TXNDC16: variants seen among roughly 807,000 people sequenced by gnomAD.
TXNDC16 encodes thioredoxin domain-containing protein 16.
In TXNDC16, 74 loss-of-function variants were observed where a neutral mutation model predicts 85.6. That is an observed-to-expected ratio of 0.86 (90% confidence interval 0.72 to 1.05). The LOEUF (loss-of-function observed/expected upper bound fraction) is 1.05. TXNDC16 is among the 50% of genes least tolerant of loss of function. The pLI, the probability that TXNDC16 is intolerant of heterozygous loss-of-function variation, is 0.00. For synonymous variants in TXNDC16, 335 were observed against 326.5 expected (o/e 1.03, Z -0.28); for missense variants, 959 against 947.0 (o/e 1.01, Z -0.17).
chr14:52,505,279 C>A (rs142815184), intron 9 of TXNDC16, among the ~76,000 whole-genome samples: 10 of 152,298 alleles, frequency 6.6e-5, no homozygotes, highest in African/African-American at 2.4e-4. Flanking sequence ...TTCTTTTCAG[C>A]ACCACACCAC....
At chr14:52,503,450 C>A (rs1002997872) in intron 9 of TXNDC16, among the ~76,000 whole-genome samples, 5 of 152,212 alleles carry the variant, frequency 3.3e-5, no homozygotes, top group African/African-American at 1.2e-4. Flanking sequence ...GCTGCTGATA[C>A]CCAGGCAAAC....
At chr14:52,535,470 A>G (rs2037678437) in intron 6 of TXNDC16, among the ~76,000 whole-genome samples, 1 of 152,118 alleles carries the variant, frequency 6.6e-6, no homozygotes, top group Non-Finnish European at 1.5e-5. Flanking sequence ...AATTTCCAGG[A>G]GTTAAACTAC....
rs1594672938 is a variant in TXNDC16 at position 52,432,372 on chromosome 14, T to G, written c.2410A>C (p.Asn804His). 1.9e-6 allele frequency: 3 copies of G among 1,613,904 alleles called. No individual in the cohort carries two copies. Among genetic ancestry groups the G allele is most frequent in the Non-Finnish European group, 2.5e-6 (3 of 1,179,910 alleles). Residue 804 changes from asparagine to histidine, a missense_variant, in exon 21 of 21, where the codon AAT becomes CAT. Asn to His is a moderately conservative substitution (Grantham distance 68). Coordinates refer to ENST00000281741, the MANE Select transcript of TXNDC16 (RefSeq NM_020784.3). ...TLRIKHWNRSNWFKEAEKSFR... is the reference protein window; with the variant it reads ...TLRIKHWNRSHWFKEAEKSFR... Reference sequence around the variant, plus strand: ...GATTTTTCTGCTTCTTTAAACCAATTACTTCTATTCCAATGCTTTATTCTC... The same window carrying G: ...GATTTTTCTGCTTCTTTAAACCAATGACTTCTATTCCAATGCTTTATTCTC...
Position 52,510,034 on chromosome 14 carries a change from T to C in TXNDC16, c.756+1206A>G, listed in dbSNP as rs556095562. 3.3e-5 allele frequency among the ~76,000 whole-genome samples: 5 copies of C among 150,386 alleles called. No individual in the cohort carries two copies. The East Asian group carries it at 9.7e-4, about 29-fold the overall frequency. On this transcript the variant is annotated intron_variant, in intron 9 of 20. Coordinates refer to ENST00000281741, the MANE Select transcript of TXNDC16 (RefSeq NM_020784.3). ...AGGAATAAAGCCCATAAAATTGTGG[T>C]GGCAAGCTCTGAATCTATTTAAGTG... is the stretch of plus-strand genomic sequence containing the variant.
At chr14:52,472,983 G>C (rs539758635) in intron 14 of TXNDC16, among the ~76,000 whole-genome samples, 11 of 152,266 alleles carry the variant, frequency 7.2e-5, no homozygotes, top group African/African-American at 2.6e-4. Context: ...GATGGCCCCA[G>C]ACAACTGGAA....
At chr14:52,463,223 A>G (rs2035693433) in intron 16 of TXNDC16, among the ~76,000 whole-genome samples, 1 of 151,970 alleles carries the variant, frequency 6.6e-6, no homozygotes, top group African/African-American at 2.4e-5. Context: ...GCTCAAACAA[A>G]CTCAGATAGC....
At chr14:52,456,067 T>TA (rs1193599967) in intron 17 of TXNDC16, among the ~76,000 whole-genome samples, 2 of 152,302 alleles carry the variant, frequency 1.3e-5, no homozygotes, top group African/African-American at 4.8e-5. Context: ...TTTCGCTAAC[T>TA]AAACCTAAAA....
chr14:52,536,527 T>C (rs938835692), intron 6 of TXNDC16, among the ~76,000 whole-genome samples, 192 bp downstream of exon 6: 1 of 152,224 alleles, frequency 6.6e-6, no homozygotes, highest in African/African-American at 2.4e-5. Context: ...ATCTCCATGC[T>C]TCTGTATCCT....
chr14:52,497,830 G>A (rs188665239), intron 9 of TXNDC16, among the ~76,000 whole-genome samples: 166 of 147,746 alleles, frequency 1.1e-3, no homozygotes, highest in Non-Finnish European at 1.9e-3. Flanking sequence ...GCAGTGAGCC[G>A]AGATTGCGCC....
At chr14:52,477,764 GTCA>G in intron 14 of TXNDC16, among the ~76,000 whole-genome samples, 1 of 152,198 alleles carries the variant, frequency 6.6e-6, no homozygotes, top group African/African-American at 2.4e-5. Flanking sequence ...CACTAGACAG[GTCA>G]TCAAGACAGA....
chr14:52,452,343 T>C (rs1387441270), intron 18 of TXNDC16, among the ~76,000 whole-genome samples: 3 of 152,140 alleles, frequency 2.0e-5, no homozygotes, highest in African/African-American at 7.2e-5. Flanking sequence ...AACATTTATA[T>C]GGATTCACAA....
At chr14:52,533,928 A>G (rs8016794) in intron 6 of TXNDC16, among the ~76,000 whole-genome samples, 16,128 of 152,192 alleles carry the variant, frequency 0.11, 1,028 homozygotes, top group East Asian at 0.18. Context: ...AGATGCACAT[A>G]TAAGCATAGG....
At chr14:52,545,751 G>T (rs2037928087) in intron 1 of TXNDC16, among the ~76,000 whole-genome samples, 4 of 152,214 alleles carry the variant, frequency 2.6e-5, no homozygotes, top group Non-Finnish European at 4.4e-5. Context: ...AGGGGAAAGG[G>T]AGTAGGGGAA....
chr14:52,530,339 A>AAT lies in TXNDC16; in HGVS notation c.392+6378_392+6379dup, dbSNP rs1566582188. ...ATATAATTATTTTTATATTATATAT[A>AAT]ATTATATATTATAATATAATATATA... On this transcript the variant is annotated intron_variant, in intron 6 of 20. Coordinates refer to ENST00000281741, the MANE Select transcript of TXNDC16 (RefSeq NM_020784.3). Among the ~76,000 whole-genome samples, 31 of 44,272 alleles carry AAT rather than the reference A, an allele frequency of 7.0e-4. 4 individuals carry two copies. In the East Asian group the frequency reaches 0.027, roughly 38 times the overall value. The allele number at this position is 44,272 out of a possible 152,430, so 29.0% of individuals were successfully genotyped here.
intron 20 of TXNDC16, among the ~76,000 whole-genome samples, 180 bp from the exon 21 acceptor site, chr14:52,432,767 T>C (rs2034934981): frequency 6.6e-6 from 1 of 152,210 alleles, no homozygotes; most frequent in Non-Finnish European, 1.5e-5. Flanking sequence ...ATTTGATACA[T>C]TTGTCACTAC....
chr14:52,449,557 G>A (rs187107199), intron 18 of TXNDC16, among the ~76,000 whole-genome samples: 23 of 152,050 alleles, frequency 1.5e-4, no homozygotes, highest in South Asian at 4.1e-4. Context: ...CAGGAAATCC[G>A]CAAAGAAACC....
rs562142278 is a variant in TXNDC16, at chr14:52,472,671, C to A, written c.1313-1991G>T. The stretch of plus-strand genomic sequence containing the variant: ...ATGAGCATATAAACAAATATAAACC[C>A]TTATTTCTTCCCAAATCAGACCTGC... On this transcript the variant is annotated intron_variant, in intron 14 of 20. Coordinates refer to ENST00000281741, the MANE Select transcript of TXNDC16 (RefSeq NM_020784.3). Among the ~76,000 whole-genome samples, 9 of 152,212 alleles carry A rather than the reference C, an allele frequency of 5.9e-5. No homozygotes were observed. The East Asian group carries it at 7.7e-4, about 13-fold the overall frequency.
At chr14:52,438,759 A>G (rs2035093740) in intron 20 of TXNDC16, among the ~76,000 whole-genome samples, 1 of 152,192 alleles carries the variant, frequency 6.6e-6, no homozygotes. Flanking sequence ...CTCATTTTCT[A>G]TAAAACCACA....
chr14:52,542,325 TA>T, intron 4 of TXNDC16, 45 bp downstream of exon 4: 1 of 1,265,718 alleles, frequency 7.9e-7, no homozygotes, highest in Non-Finnish European at 1.1e-6. Context: ...CATAAAGTTG[TA>T]AGATGTTCGT....
Sources: allele counts gnomAD v4.1 joint callset (sites outside exome capture counted in the v4.1 genomes callset), GRCh38; gene constraint gnomAD v4.1.1; transcripts MANE v1.5; gene names NCBI Gene and HGNC (gene_info 2026-07-23, HGNC 2026-07-21).